The following COL19A1 variants were observed in gnomAD, a reference collection of about 807,000 sequenced individuals.
COL19A1 encodes the protein collagen type XIX alpha 1 chain, also known as collagen alpha-1(XIX) chain.
A neutral mutation model predicts 190.2 loss-of-function variants in COL19A1; 159 were observed. The ratio of observed to expected loss-of-function variants is 0.84; its 90% CI spans 0.73 to 0.95. COL19A1 has a LOEUF of 0.95. COL19A1 is among the 40% of genes least tolerant of loss of function. The probability of loss-of-function intolerance (pLI) is 0.00; values close to 1 mark genes in which losing one functional copy is unlikely to be tolerated. For synonymous variants in COL19A1, 509 were observed against 458.9 expected, an observed-to-expected ratio of 1.11 and a Z score of -1.39; for missense variants, 1,418 against 1,431.9, an observed-to-expected ratio of 0.99 and a Z score of 0.16.
chr6:70,210,480 T>C lies in COL19A1; in HGVS notation c.*3206T>C, dbSNP rs986604298. 6.6e-6 allele frequency among the ~76,000 whole-genome samples: 1 copy of C among 152,196 alleles called. No individual in the cohort carries two copies. The highest frequency in any genetic ancestry group is 2.1e-4 in the South Asian group (1 of 4,836). The stretch of plus-strand genomic sequence containing the variant: ...TTTATTTCCCTATTTCATGGTATTG[T>C]TTAAACTTTAAAATTTTAGTCACTT... On this transcript the variant is annotated 3_prime_UTR_variant, in exon 51 of 51. Transcript: ENST00000620364.
At chr6:70,105,069 A>G (rs1340345783) in intron 16 of COL19A1, among the ~76,000 whole-genome samples, 1 of 152,178 alleles carries the variant, frequency 6.6e-6, no homozygotes, top group Non-Finnish European at 1.5e-5. Flanking sequence ...AAACTCAGCT[A>G]TGGGTCTGAC....
rs1413338589 is a variant in COL19A1, at chr6:69,926,165, A to G, written c.267-1744A>G. On this transcript the variant is annotated intron_variant, in intron 4 of 50. Coordinates refer to ENST00000620364, the MANE Select transcript of COL19A1 (RefSeq NM_001858.6). ...AGAGAGGGCATCCCTGTCTTGTGCCAGTTTTCAAAGGGAATGCCTCCAGTT... is the reference window on the plus strand; with the variant it reads ...AGAGAGGGCATCCCTGTCTTGTGCCGGTTTTCAAAGGGAATGCCTCCAGTT... 2.0e-5 allele frequency among the ~76,000 whole-genome samples: 3 copies of G among 152,126 alleles called. No homozygotes were observed. In the East Asian group the frequency reaches 5.8e-4, roughly 29 times the overall value.
intron 48 of COL19A1, among the ~76,000 whole-genome samples, chr6:70,198,615 G>A (rs1767353606): frequency 6.6e-6 from 1 of 152,052 alleles, no homozygotes; most frequent in African/African-American, 2.4e-5. Context: ...TATTTATAAT[G>A]GCCTTGGAAT....
At chr6:70,172,648 T>C (rs1009933381) in intron 41 of COL19A1, among the ~76,000 whole-genome samples, 2 of 152,332 alleles carry the variant, frequency 1.3e-5, no homozygotes, top group Non-Finnish European at 2.9e-5. Context: ...TCTAAAATTG[T>C]CTAGCAAGCA....
chr6:70,020,275 GTTAT>G (rs1778346698), intron 11 of COL19A1, among the ~76,000 whole-genome samples: 1 of 151,866 alleles, frequency 6.6e-6, no homozygotes, highest in Admixed American at 6.6e-5. Flanking sequence ...CCCCCAATTT[GTTAT>G]TTGTCTTTTA....
intron 11 of COL19A1, among the ~76,000 whole-genome samples, chr6:69,996,997 G>T (rs979951338): frequency 7.5e-6 from 1 of 132,598 alleles, no homozygotes; most frequent in Admixed American, 7.9e-5. Flanking sequence ...ACGTATGTGT[G>T]TGTGTGTTTA....
Position 70,168,052 on chromosome 6 carries a change from A to C in COL19A1, c.2473A>C (p.Met825Leu), listed in dbSNP as rs778637769. The part of the protein sequence containing the change: ...PGIPFNERNG[M>L]SSLYKIKGGV... ...TATTCCATTTAATGAACGAAACGGC[A>C]TGAGCAGTTTATATAAAATTAAGGT... The change falls in exon 38 of 51, where the codon ATG becomes CTG. Residue 825 changes from methionine (M) to leucine (L), a missense_variant. Physicochemically the swap from Met to Leu is conservative, Grantham distance 15 (BLOSUM62 2). Coordinates refer to ENST00000620364, the MANE Select transcript of COL19A1 (RefSeq NM_001858.6). The C allele has an allele frequency of 3.8e-6, 6 of 1,598,272 alleles. No homozygotes were observed. Among genetic ancestry groups the C allele is most frequent in the Non-Finnish European group, 5.1e-6 (6 of 1,170,070 alleles).
In COL19A1 at chr6:69,979,909, G is replaced by A. The variant is rs553860054; in HGVS notation, c.1026+17039G>A. Among the ~76,000 whole-genome samples, 3 of 151,788 alleles carry A rather than the reference G, an allele frequency of 2.0e-5. No individual in the cohort carries two copies. In the East Asian group the frequency reaches 5.8e-4, roughly 29 times the overall value. The stretch of plus-strand genomic sequence containing the variant: ...ATGTATACAAACAAAATCAAAGGGC[G>A]TAAAATAAAATCTAAATGAATGTAT... On this transcript the variant is annotated intron_variant, in intron 11 of 50. Coordinates refer to ENST00000620364, the MANE Select transcript of COL19A1 (RefSeq NM_001858.6).
intron 34 of COL19A1, among the ~76,000 whole-genome samples, chr6:70,159,542 A>G (rs1282228538): frequency 6.6e-6 from 1 of 152,152 alleles, no homozygotes; most frequent in Non-Finnish European, 1.5e-5. Flanking sequence ...GAGGAATTCT[A>G]GCATGTTCAA....
At chr6:69,921,117 ATATCACATATG>A (rs1317747477) in intron 4 of COL19A1, among the ~76,000 whole-genome samples, 4 of 116,202 alleles carry the variant, frequency 3.4e-5, no homozygotes, top group African/African-American at 1.3e-4. Context: ...ATATACATAT[ATATCACATATG>A]TATCACATAT....
chr6:70,078,159 A>T (rs1247975244), intron 15 of COL19A1, among the ~76,000 whole-genome samples: 1 of 152,248 alleles, frequency 6.6e-6, no homozygotes, highest in African/African-American at 2.4e-5. Flanking sequence ...AAGAGAAGAA[A>T]ATAAGCAAAA....
chr6:69,938,141 G>A, intron 9 of COL19A1, 41 bp downstream of exon 9: 1 of 1,575,014 alleles, frequency 6.3e-7, no homozygotes, highest in South Asian at 1.1e-5. Context: ...ACAGGGTTTT[G>A]TTAAAAAATG....
chr6:69,899,111 A>T, intron 3 of COL19A1, 89 bp downstream of exon 3: 1 of 790,886 alleles, frequency 1.3e-6, no homozygotes, highest in Non-Finnish European at 2.1e-6. Flanking sequence ...TGAATCTTTG[A>T]TACTGCAATT....
At chr6:69,887,050 G>T (rs6934513) in intron 2 of COL19A1, among the ~76,000 whole-genome samples, 1,623 of 152,202 alleles carry the variant, frequency 0.011, 27 homozygotes, top group African/African-American at 0.033. Flanking sequence ...TTTAATAAAT[G>T]TTGCTAGAAA....
chr6:70,210,534 C>T lies in COL19A1; in HGVS notation c.*3260C>T, dbSNP rs548245762. 2.6e-5 allele frequency among the ~76,000 whole-genome samples: 4 copies of T among 152,186 alleles called. No homozygotes were observed. The highest frequency in any genetic ancestry group is 2.9e-5 in the Non-Finnish European group (2 of 67,978). On this transcript the variant is annotated 3_prime_UTR_variant, in exon 51 of 51. Transcript: ENST00000620364. ...GAACTTAAGCAATTATATTAAAATA[C>T]GTTGTCTGTGAAAATTATCATTTGA... is the stretch of plus-strand genomic sequence containing the variant.
rs370683815 is a variant in COL19A1 at position 70,102,203 on chromosome 6, C to G, written c.1259C>G (p.Pro420Arg). The G allele has an allele frequency of 1.2e-6, 2 of 1,612,174 alleles. No individual in the cohort carries two copies. The highest frequency in any genetic ancestry group is 1.7e-6 in the Non-Finnish European group (2 of 1,178,494). The change falls in exon 16 of 51, where the codon CCA becomes CGA. Residue 420 changes from proline to arginine, a missense_variant. Pro to Arg is a moderately radical substitution (Grantham distance 103). Coordinates refer to ENST00000620364, the MANE Select transcript of COL19A1 (RefSeq NM_001858.6). ...GGGAAAACAGGACCTCCCGGAAAACCAGGACCCCCAGGACCACCTGTGAGT... is the reference window on the plus strand; with the variant it reads ...GGGAAAACAGGACCTCCCGGAAAACGAGGACCCCCAGGACCACCTGTGAGT... ...RRGKTGPPGKPGPPGPPGPPG... is the reference protein window; with the variant it reads ...RRGKTGPPGKRGPPGPPGPPG...
chr6:69,867,241 C>G (rs1015604388), intron 1 of COL19A1, among the ~76,000 whole-genome samples: 2 of 152,136 alleles, frequency 1.3e-5, no homozygotes, highest in African/African-American at 4.8e-5. Context: ...AGTGCGGCTT[C>G]TGGGGGGCGG....
chr6:70,149,503 A>G (rs567586024), intron 27 of COL19A1, among the ~76,000 whole-genome samples: 1 of 152,252 alleles, frequency 6.6e-6, no homozygotes, highest in South Asian at 2.1e-4. Flanking sequence ...AATCATGTTG[A>G]TGTTTCCAGC....
At position 70,068,404 on chromosome 6, in the gene COL19A1, T is replaced by C. The variant is rs765473946; in HGVS notation, c.1171-19T>C. 5 of 1,501,872 alleles carry C rather than the reference T, an allele frequency of 3.3e-6. No individual in the cohort carries two copies. The highest frequency in any genetic ancestry group is 4.6e-6 in the Non-Finnish European group (5 of 1,076,756). The allele number at this position is 1,501,872 out of a possible 1,614,324, so 93.0% of individuals were successfully genotyped here. A position where few individuals can be genotyped will look rare whatever the true frequency, so the allele number is the denominator to read the frequency against. ...GTACTTGAAACAGTGTATTAACATG[T>C]GTCTCTTTTTCCTCATAGGGTTCCC... is the stretch of plus-strand genomic sequence containing the variant. On this transcript the variant is annotated intron_variant, in intron 14 of 50. Coordinates refer to ENST00000620364, the MANE Select transcript of COL19A1 (RefSeq NM_001858.6).
Sources: allele counts gnomAD v4.1 joint callset (sites outside exome capture counted in the v4.1 genomes callset), GRCh38; gene constraint gnomAD v4.1.1; transcripts MANE v1.5; gene names NCBI Gene and HGNC (gene_info 2026-07-23, HGNC 2026-07-21).